The following EYS variants were observed in gnomAD, a reference collection of about 807,000 sequenced individuals.
EYS encodes protein eyes shut homolog.
A neutral mutation model predicts 282.1 loss-of-function variants in EYS; 250 were observed. The observed-to-expected ratio is 0.89, with a 90% CI of 0.80 to 0.98. The LOEUF (loss-of-function observed/expected upper bound fraction) is 0.98. Among genes scored for constraint, EYS ranks in the 50% least tolerant of loss-of-function variants. The probability of loss-of-function intolerance (pLI) is 0.00; values close to 1 mark genes in which losing one functional copy is unlikely to be tolerated. For missense variants in EYS, 4,016 were observed against 3,709.0 expected (o/e 1.08, Z -2.15); for synonymous variants, 1,355 against 1,282.9 (o/e 1.06, Z -1.20).
At chr6:64,189,553 C>T (rs1302419634) in intron 31 of EYS, among the ~76,000 whole-genome samples, 1 of 152,160 alleles carries the variant, frequency 6.6e-6, no homozygotes, top group Non-Finnish European at 1.5e-5. Context: ...AAACACCAAC[C>T]TAGGTGTTGC....
chr6:64,037,384 T>C (rs866319190), intron 33 of EYS, among the ~76,000 whole-genome samples: 1 of 152,136 alleles, frequency 6.6e-6, no homozygotes, highest in Non-Finnish European at 1.5e-5. Context: ...AGAAAACAAA[T>C]AGTGCAACAA....
chr6:65,295,842 A>T, intron 12 of EYS, 21 bp downstream of exon 12: 1 of 1,464,970 alleles, frequency 6.8e-7, no homozygotes, highest in Non-Finnish European at 9.1e-7. Context: ...AATTTAATTT[A>T]TCAGGAAAAA....
chr6:64,735,721 T>G (rs1332013395), intron 22 of EYS, among the ~76,000 whole-genome samples: 2 of 152,174 alleles, frequency 1.3e-5, no homozygotes, highest in Admixed American at 1.3e-4. Context: ...AATTGATGGA[T>G]AGTGTCTGAC....
intron 24 of EYS, among the ~76,000 whole-genome samples, chr6:64,606,995 T>C (rs1319041252): frequency 6.6e-6 from 1 of 152,018 alleles, no homozygotes; most frequent in Non-Finnish European, 1.5e-5. Context: ...CTTAGTTTCA[T>C]TTATTTTTAA....
At chr6:65,131,320 A>C (rs1775869752) in intron 12 of EYS, among the ~76,000 whole-genome samples, 1 of 151,916 alleles carries the variant, frequency 6.6e-6, no homozygotes, top group African/African-American at 2.4e-5. Flanking sequence ...TTAACCACAT[A>C]ATCAGATATA....
intron 8 of EYS, among the ~76,000 whole-genome samples, chr6:65,382,204 TC>T (rs1765637626): frequency 7.2e-6 from 1 of 139,082 alleles, no homozygotes; most frequent in Admixed American, 7.8e-5. Flanking sequence ...AAGAACCTCA[TC>T]CTTTGGTGTT....
chr6:63,892,482 G>A (rs543067925), intron 35 of EYS, among the ~76,000 whole-genome samples: 1 of 152,262 alleles, frequency 6.6e-6, no homozygotes, highest in African/African-American at 2.4e-5. Flanking sequence ...AATGGGGAAA[G>A]GATTCCTTAT....
intron 26 of EYS, among the ~76,000 whole-genome samples, chr6:64,578,918 C>A (rs928182527): frequency 2.0e-5 from 3 of 152,134 alleles, no homozygotes; most frequent in African/African-American, 2.4e-5. Context: ...CTGATTGATG[C>A]CTATTAAAGT....
At chr6:63,912,894 T>C (rs2624660) in intron 35 of EYS, among the ~76,000 whole-genome samples, 106,990 of 151,622 alleles carry the variant, frequency 0.71, 37,860 homozygotes, top group Non-Finnish European at 0.73. Flanking sequence ...CCCTCAGAAC[T>C]GTGAGCCAAT....
intron 22 of EYS, among the ~76,000 whole-genome samples, chr6:64,773,673 TG>T: frequency 6.6e-6 from 1 of 152,066 alleles, no homozygotes; most frequent in Middle Eastern, 3.4e-3. Flanking sequence ...TCTTTCTGAC[TG>T]TTGTGAGATG....
intron 26 of EYS, among the ~76,000 whole-genome samples, chr6:64,554,283 C>T (rs966862272): frequency 3.3e-5 from 5 of 151,994 alleles, no homozygotes; most frequent in Non-Finnish European, 7.4e-5. Flanking sequence ...ATAGAAATAA[C>T]TCTAAATACT....
rs144159996 is a variant in EYS at position 63,966,196 on chromosome 6, G to A, written c.7055+18187C>T. 4.5e-3 allele frequency among the ~76,000 whole-genome samples: 687 copies of A among 152,242 alleles called. 5 individuals are homozygous for A. The highest frequency in any genetic ancestry group is 0.015 in the African/African-American group (629 of 41,532). Reference sequence around the variant, plus strand: ...ATACTACTCAGCCATAAAAATAAATGAATGAACAACATTTGCAGCGACCTG... The same window carrying A: ...ATACTACTCAGCCATAAAAATAAATAAATGAACAACATTTGCAGCGACCTG... On this transcript the variant is annotated intron_variant, in intron 35 of 42. Transcript: ENST00000503581.
chr6:65,258,636 AT>A (rs1159867576), intron 12 of EYS, among the ~76,000 whole-genome samples: 1 of 152,062 alleles, frequency 6.6e-6, no homozygotes. Context: ...TAAAACTCCT[AT>A]CAGACATTAT....
At chr6:63,939,594 T>TAA (rs1293223565) in intron 35 of EYS, among the ~76,000 whole-genome samples, 2 of 152,194 alleles carry the variant, frequency 1.3e-5, no homozygotes, top group Non-Finnish European at 2.9e-5. Context: ...ACAAGGGTTT[T>TAA]AACTACATGG....
intron 29 of EYS, among the ~76,000 whole-genome samples, chr6:64,346,245 A>G (rs971721656): frequency 2.6e-5 from 4 of 152,098 alleles, no homozygotes; most frequent in African/African-American, 9.7e-5. Flanking sequence ...ATAAAGACAC[A>G]TGCATACGTA....
chr6:64,122,935 G>A lies in EYS; in HGVS notation c.6425-40933C>T, dbSNP rs139025316. ...AAAGCATTTTTTTTTTGAATTTTCA[G>A]TGTTATCAGTGAATATTTATTGAAT... On this transcript the variant is annotated intron_variant, in intron 31 of 42. Coordinates refer to ENST00000503581, the MANE Select transcript of EYS (RefSeq NM_001142800.2). Among the ~76,000 whole-genome samples, 85 of 151,854 alleles carry A rather than the reference G, an allele frequency of 5.6e-4. 1 individual carries two copies. Among genetic ancestry groups the A allele is most frequent in the Non-Finnish European group, 2.1e-4 (14 of 67,922 alleles).
In EYS at chr6:64,832,745, AAAT is replaced by A. The variant is rs1190298672; in HGVS notation, c.2993-9926_2993-9924del. Among the ~76,000 whole-genome samples the A allele has an allele frequency of 3.9e-5, 6 of 152,094 alleles. No individual in the cohort carries two copies. In the East Asian group the frequency reaches 1.2e-3, roughly 30 times the overall value. On this transcript the variant is annotated intron_variant, in intron 19 of 42. Coordinates refer to ENST00000503581, the MANE Select transcript of EYS (RefSeq NM_001142800.2). The stretch of plus-strand genomic sequence containing the variant: ...CAAAATTAGTCAAGATGCACATATT[AAAT>A]GTATGTAGTGTTTTTGGATATCCAT...
rs79661352 is a variant in EYS, at chr6:65,394,621, A to T, written c.1184+7857T>A. Among the ~76,000 whole-genome samples the T allele has an allele frequency of 9.2e-3, 1,404 of 152,234 alleles. 29 individuals carry two copies. Among genetic ancestry groups the T allele is most frequent in the African/African-American group, 0.032 (1,323 of 41,536 alleles). On this transcript the variant is annotated intron_variant, in intron 7 of 42. Coordinates refer to ENST00000503581, the MANE Select transcript of EYS (RefSeq NM_001142800.2). ...TAACTTTATGCCAACACTCACAATC[A>T]ACCCACTATGATCTACCTTTGAGGC...
intron 1 of EYS, among the ~76,000 whole-genome samples, chr6:65,696,418 G>A (rs897540756): frequency 2.6e-5 from 4 of 151,780 alleles, no homozygotes; most frequent in African/African-American, 9.7e-5. Context: ...TAGTAACTTC[G>A]AGCTGATTTT....
Sources: gnomAD v4.1 joint callset for allele counts (sites outside exome capture counted in the v4.1 genomes callset) on GRCh38, gnomAD v4.1.1 for gene constraint, MANE v1.5 for transcripts, NCBI Gene and HGNC (gene_info 2026-07-23, HGNC 2026-07-21) for gene names.